Variants in CDH8 observed in about 807,000 individuals in gnomAD.
The protein encoded by CDH8 is cadherin 8, also known as cadherin-8.
A neutral mutation model predicts 68.1 loss-of-function variants in CDH8; 17 were observed. That is an observed-to-expected ratio of 0.25 (90% CI 0.17 to 0.37). The LOEUF (loss-of-function observed/expected upper bound fraction) is 0.37. CDH8 is among the 10% of genes least tolerant of loss of function. The pLI is 1.00. For synonymous variants in CDH8, 372 were observed against 365.1 expected (o/e 1.02, Z -0.21); for missense variants, 763 against 999.3 (o/e 0.76, Z 3.19).
At chr16:61,680,227 G>A (rs1035106307) in intron 10 of CDH8, among the ~76,000 whole-genome samples, 8 of 151,882 alleles carry the variant, frequency 5.3e-5, no homozygotes, top group African/African-American at 1.9e-4. Flanking sequence ...AATAAACAAA[G>A]TGCTTACCAT....
chr16:61,756,144 T>C (rs1482971135), intron 8 of CDH8, among the ~76,000 whole-genome samples: 1 of 152,124 alleles, frequency 6.6e-6, no homozygotes, highest in Non-Finnish European at 1.5e-5. Context: ...TGTAACCAAG[T>C]TGTTACTTCC....
At chr16:61,713,695 A>G in intron 10 of CDH8, 146 bp downstream of exon 10, 1 of 531,766 alleles carries the variant, frequency 1.9e-6, no homozygotes, top group South Asian at 2.7e-5. Flanking sequence ...TAAGGTAATT[A>G]CCATGCCATT....
chr16:61,819,113 C>T (rs975598261), intron 6 of CDH8, among the ~76,000 whole-genome samples: 2 of 151,942 alleles, frequency 1.3e-5, no homozygotes, highest in East Asian at 1.9e-4. Flanking sequence ...TCACAAACAT[C>T]GTTAAGTATA....
chr16:61,999,858 T>C (rs1965866370), intron 2 of CDH8, among the ~76,000 whole-genome samples: 1 of 152,112 alleles, frequency 6.6e-6, no homozygotes. Context: ...GTTACATAGG[T>C]ATACATACAT....
At chr16:61,823,716 C>T (rs990868601) in intron 5 of CDH8, among the ~76,000 whole-genome samples, 2 of 151,834 alleles carry the variant, frequency 1.3e-5, no homozygotes, top group Non-Finnish European at 2.9e-5. Context: ...TAAAGGTCCT[C>T]ATAGGTCCTC....
intron 4 of CDH8, among the ~76,000 whole-genome samples, chr16:61,851,213 T>C (rs1022822834): frequency 1.3e-5 from 2 of 152,212 alleles, no homozygotes. Context: ...ATGTATTATC[T>C]TGATTTTTCT....
chr16:61,931,442 C>G (rs1488830155), intron 2 of CDH8, among the ~76,000 whole-genome samples: 1 of 152,124 alleles, frequency 6.6e-6, no homozygotes, highest in Non-Finnish European at 1.5e-5. Context: ...TCCCAAAGCA[C>G]TGTGATTACA....
chr16:61,975,890 T>C (rs1965426021), intron 2 of CDH8, among the ~76,000 whole-genome samples: 4 of 152,166 alleles, frequency 2.6e-5, no homozygotes, highest in South Asian at 4.1e-4. Context: ...TTTATGTGCC[T>C]ACCCAGCTCC....
chr16:61,733,858 C>T (rs547510572), intron 8 of CDH8, among the ~76,000 whole-genome samples: 22 of 152,062 alleles, frequency 1.4e-4, no homozygotes, highest in East Asian at 5.8e-4. Flanking sequence ...TAGTTATCTA[C>T]GACCACAGTG....
intron 11 of CDH8, among the ~76,000 whole-genome samples, chr16:61,654,835 G>A (rs544131127): frequency 6.6e-6 from 1 of 152,106 alleles, no homozygotes; most frequent in Non-Finnish European, 1.5e-5. Flanking sequence ...TGTTCCTCAA[G>A]GGTAGTATAA....
intron 10 of CDH8, among the ~76,000 whole-genome samples, chr16:61,694,771 G>T (rs933110040): frequency 6.6e-6 from 1 of 151,408 alleles, no homozygotes; most frequent in Non-Finnish European, 1.5e-5. Flanking sequence ...GTTGCTGTTG[G>T]TGGTGGTGGT....
intron 3 of CDH8, among the ~76,000 whole-genome samples, chr16:61,882,141 C>A (rs868633459): frequency 6.6e-6 from 1 of 152,180 alleles, no homozygotes; most frequent in Non-Finnish European, 1.5e-5. Flanking sequence ...TAGAAGAAAA[C>A]TGCCTTTCTA....
intron 10 of CDH8, among the ~76,000 whole-genome samples, chr16:61,689,771 A>G (rs1183410722): frequency 6.6e-6 from 1 of 152,010 alleles, no homozygotes; most frequent in Admixed American, 6.6e-5. Flanking sequence ...CATTTATTCA[A>G]TCTTTCTGAA....
intron 10 of CDH8, among the ~76,000 whole-genome samples, chr16:61,672,169 G>A (rs560877889): frequency 3.8e-4 from 57 of 151,988 alleles, no homozygotes; most frequent in Middle Eastern, 3.4e-3. Context: ...CCTGGTAGTG[G>A]GTAGTGATAT....
At chr16:61,739,142 C>A (rs1479562028) in intron 8 of CDH8, among the ~76,000 whole-genome samples, 1 of 151,956 alleles carries the variant, frequency 6.6e-6, no homozygotes, top group Non-Finnish European at 1.5e-5. Context: ...GTGGTATTTC[C>A]CCCTAATTGT....
intron 8 of CDH8, among the ~76,000 whole-genome samples, chr16:61,752,219 G>A (rs980138487): frequency 6.6e-6 from 1 of 152,148 alleles, no homozygotes; most frequent in Non-Finnish European, 1.5e-5. Flanking sequence ...AATGAAGTTA[G>A]CTATGACAAT....
Position 61,653,050 on chromosome 16 carries a change from A to AT in CDH8, c.*557dup, listed in dbSNP as rs1390987422. On this transcript the variant is annotated 3_prime_UTR_variant, in exon 12 of 12. Coordinates refer to ENST00000577390, the MANE Select transcript of CDH8 (RefSeq NM_001796.5). ...CAGTCTCTAGTGAGTGGGGCCAACA[A>AT]TTATGTACAATGTGTGGTCACCGTA... 26 of 1,380,680 alleles carry AT rather than the reference A, an allele frequency of 1.9e-5. No individual in the cohort carries two copies. The highest frequency in any genetic ancestry group is 2.9e-5 in the African/African-American group (2 of 68,202). The allele number at this position is 1,380,680 out of a possible 1,614,324, so 85.5% of individuals were successfully genotyped here.
chr16:61,744,089 T>C (rs866857929), intron 8 of CDH8, among the ~76,000 whole-genome samples: 1 of 152,160 alleles, frequency 6.6e-6, no homozygotes, highest in East Asian at 1.9e-4. Flanking sequence ...TATTTCAAGT[T>C]TGTTTGACAA....
At chr16:61,739,884 C>CATATATATATAT (rs35095367) in intron 8 of CDH8, among the ~76,000 whole-genome samples, 1,598 of 101,178 alleles carry the variant, frequency 0.016, 28 homozygotes, top group East Asian at 0.046. Flanking sequence ...CAACATATTC[C>CATATATATATAT]ATATATATAT....
Sources: gnomAD v4.1 joint callset for allele counts (sites outside exome capture counted in the v4.1 genomes callset) on GRCh38, gnomAD v4.1.1 for gene constraint, MANE v1.5 for transcripts, NCBI Gene and HGNC (gene_info 2026-07-23, HGNC 2026-07-21) for gene names.